Variants in SMYD3 observed in about 807,000 individuals in gnomAD.
The protein encoded by SMYD3 is SET and MYND domain containing 3, also known as histone-lysine N-methyltransferase SMYD3.
A neutral mutation model predicts 57.7 loss-of-function variants in SMYD3; 36 were observed. That is an observed-to-expected ratio of 0.62 (90% confidence interval 0.48 to 0.82). SMYD3 has a LOEUF of 0.82. Ranked by LOEUF, SMYD3 falls within the 40% of genes least tolerant of loss-of-function variation. SMYD3 has a pLI of 0.00. For missense variants in SMYD3, 515 were observed against 538.8 expected, an observed-to-expected ratio of 0.96 and a Z score of 0.44; for synonymous variants, 211 against 195.0, an observed-to-expected ratio of 1.08 and a Z score of -0.68.
chr1:246,356,804 T>C (rs891155131), intron 1 of SMYD3, among the ~76,000 whole-genome samples: 3 of 152,144 alleles, frequency 2.0e-5, no homozygotes, highest in Non-Finnish European at 2.9e-5. Context: ...ATGTTAAGCA[T>C]GCAAATCTAA....
At chr1:246,018,358 A>T (rs1291839655) in intron 5 of SMYD3, among the ~76,000 whole-genome samples, 1 of 152,258 alleles carries the variant, frequency 6.6e-6, no homozygotes, top group Non-Finnish European at 1.5e-5. Context: ...CCCTGAGTTC[A>T]GACACTCAGC....
chr1:245,961,318 G>A (rs144702764), intron 5 of SMYD3, among the ~76,000 whole-genome samples: 6 of 152,272 alleles, frequency 3.9e-5, no homozygotes, highest in African/African-American at 1.4e-4. Flanking sequence ...AGTCTGCTAA[G>A]TGAAGATATC....
intron 10 of SMYD3, among the ~76,000 whole-genome samples, chr1:245,812,170 AC>A (rs1350868233): frequency 6.6e-6 from 1 of 152,122 alleles, no homozygotes; most frequent in Non-Finnish European, 1.5e-5. Flanking sequence ...ACCTCGGTGG[AC>A]CTTTTTCTCT....
chr1:246,088,104 A>C (rs1294692857), intron 5 of SMYD3, among the ~76,000 whole-genome samples: 1 of 152,134 alleles, frequency 6.6e-6, no homozygotes, highest in Non-Finnish European at 1.5e-5. Context: ...CCTCCAGTGT[A>C]GACTGTCCCT....
chr1:245,900,220 C>T (rs2054094054), intron 8 of SMYD3, among the ~76,000 whole-genome samples: 1 of 152,128 alleles, frequency 6.6e-6, no homozygotes, highest in South Asian at 2.1e-4. Flanking sequence ...CCATTTAACA[C>T]CTCTCTTTTC....
At chr1:246,476,362 G>C (rs915741701) in intron 1 of SMYD3, among the ~76,000 whole-genome samples, 1 of 152,182 alleles carries the variant, frequency 6.6e-6, no homozygotes, top group Non-Finnish European at 1.5e-5. Context: ...ACGCCTCTAT[G>C]CCTCTCGGGC....
At chr1:246,227,934 C>T (rs188708774) in intron 5 of SMYD3, among the ~76,000 whole-genome samples, 7 of 150,994 alleles carry the variant, frequency 4.6e-5, no homozygotes, top group Non-Finnish European at 1.0e-4. Flanking sequence ...TTACCTAACA[C>T]CACATTTCCT....
At chr1:245,891,098 G>A (rs1038553211) in intron 8 of SMYD3, among the ~76,000 whole-genome samples, 2 of 152,172 alleles carry the variant, frequency 1.3e-5, no homozygotes, top group African/African-American at 4.8e-5. Context: ...GAGGGAACGG[G>A]GGATGGTTAA....
At chr1:246,503,183 C>A (rs947358234) in intron 1 of SMYD3, among the ~76,000 whole-genome samples, 2 of 152,160 alleles carry the variant, frequency 1.3e-5, no homozygotes, top group Non-Finnish European at 1.5e-5. Flanking sequence ...CTACCTCTGT[C>A]CCCCCGCTGC....
intron 7 of SMYD3, among the ~76,000 whole-genome samples, chr1:245,921,966 G>GC (rs1193840290): frequency 6.6e-6 from 1 of 152,006 alleles, no homozygotes; most frequent in African/African-American, 2.4e-5. Flanking sequence ...CTGCACATGT[G>GC]CCCCCTGAAT....
intron 1 of SMYD3, among the ~76,000 whole-genome samples, chr1:246,363,097 G>A (rs1248527282): frequency 4.7e-5 from 7 of 150,172 alleles, no homozygotes; most frequent in East Asian, 2.0e-4. Flanking sequence ...GGTGAGGAGC[G>A]TCTCTGCCTG....
At chr1:246,296,207 C>T (rs2148604382) in intron 5 of SMYD3, among the ~76,000 whole-genome samples, 1 of 152,278 alleles carries the variant, frequency 6.6e-6, no homozygotes, top group East Asian at 1.9e-4. Flanking sequence ...CTCAGTCACG[C>T]CCATGAAAAT....
intron 10 of SMYD3, among the ~76,000 whole-genome samples, chr1:245,809,372 G>A (rs910072075): frequency 6.6e-6 from 1 of 152,156 alleles, no homozygotes; most frequent in African/African-American, 2.4e-5. Flanking sequence ...ATTTGTCTGT[G>A]TCTCCCTCAG....
intron 5 of SMYD3, among the ~76,000 whole-genome samples, chr1:246,023,807 CTGTGTGTGTG>C (rs201726897): frequency 1.5e-4 from 21 of 139,612 alleles, no homozygotes; most frequent in East Asian, 1.3e-3. Flanking sequence ...TATTACAAAA[CTGTGTGTGTG>C]TGTGTGTGTG....
chr1:246,280,314 T>G (rs2064416639), intron 5 of SMYD3, among the ~76,000 whole-genome samples: 1 of 152,192 alleles, frequency 6.6e-6, no homozygotes. Context: ...ATCAAAGAAA[T>G]GCACATGATA....
At chr1:245,759,781 A>G (rs2045765391) in intron 11 of SMYD3, among the ~76,000 whole-genome samples, 1 of 152,248 alleles carries the variant, frequency 6.6e-6, no homozygotes, top group African/African-American at 2.4e-5. Context: ...ATTTTTTTAA[A>G]AAAATGGATG....
intron 10 of SMYD3, among the ~76,000 whole-genome samples, chr1:245,797,967 C>T (rs1219313690): frequency 6.6e-6 from 1 of 151,970 alleles, no homozygotes; most frequent in Non-Finnish European, 1.5e-5. Flanking sequence ...ATGCTCAGTA[C>T]GTGAGAATTT....
At chr1:245,858,095 T>C (rs1273738723) in intron 10 of SMYD3, among the ~76,000 whole-genome samples, 3 of 152,180 alleles carry the variant, frequency 2.0e-5, no homozygotes, top group African/African-American at 7.2e-5. Context: ...GGGCCCCATA[T>C]GGCCATCCTC....
chr1:245,777,225 A>C (rs2046641058), intron 10 of SMYD3, among the ~76,000 whole-genome samples: 1 of 152,004 alleles, frequency 6.6e-6, no homozygotes, highest in African/African-American at 2.4e-5. Flanking sequence ...TGTCCTAAGG[A>C]CTTTGAGTTG....
Sources: allele counts gnomAD v4.1 joint callset (sites outside exome capture counted in the v4.1 genomes callset), GRCh38; gene constraint gnomAD v4.1.1; transcripts MANE v1.5; gene names NCBI Gene and HGNC (gene_info 2026-07-23, HGNC 2026-07-21).